DNAH7: variants seen among roughly 807,000 people sequenced by gnomAD.
DNAH7 encodes the protein dynein axonemal heavy chain 7, also known as axonemal beta dynein heavy chain 7.
A neutral mutation model predicts 444.6 loss-of-function variants in DNAH7; 397 were observed. The observed-to-expected ratio is 0.89, with a 90% CI of 0.82 to 0.97. DNAH7 has a LOEUF of 0.97. DNAH7 is among the 50% of genes least tolerant of loss of function. The probability of loss-of-function intolerance (pLI) is 0.00; values close to 1 mark genes in which losing one functional copy is unlikely to be tolerated. For missense variants in DNAH7, 4,902 were observed against 4,800.8 expected, an observed-to-expected ratio of 1.02 and a Z score of -0.62; for synonymous variants, 1,636 against 1,624.4, an observed-to-expected ratio of 1.01 and a Z score of -0.17.
intron 49 of DNAH7, among the ~76,000 whole-genome samples, chr2:195,822,344 T>C (rs1697512196): frequency 3.3e-5 from 5 of 152,224 alleles, no homozygotes; most frequent in Admixed American, 3.3e-4. Flanking sequence ...ATTCCATTAA[T>C]GTTGGGTCCT....
Position 195,876,543 on chromosome 2 carries a change from C to T in DNAH7, c.6117+1G>A. ...CCGGGTACTGTACAAAGAGTCATTA[C>T]CATTCTCTTGCCCAAAGGAGGACCA... On this transcript the variant is annotated splice_donor_variant, in intron 37 of 64. Transcript: ENST00000312428. LOFTEE classifies it high-confidence loss of function. 1.2e-6 allele frequency: 2 copies of T among 1,613,638 alleles called. No individual in the cohort carries two copies. Among genetic ancestry groups the T allele is most frequent in the South Asian group, 2.2e-5 (2 of 90,986 alleles).
Position 195,987,080 on chromosome 2 carries a change from C to T in DNAH7, c.1740G>A (p.Gln580=). The change falls in exon 14 of 65, where the codon CAG becomes CAA. Residue 580 remains glutamine, a synonymous_variant. Transcript: ENST00000312428. ...KLLAKMFRDH[Q]EVNTRLCDEF... is the part of the protein sequence containing the mutation. ...CACATAAATACCTTGTATTTACTTC[C>T]TGATGATCTCTGAACATTTTAGCTA... 1 of 1,596,484 alleles carries T rather than the reference C, an allele frequency of 6.3e-7. No homozygotes were observed. Among genetic ancestry groups the T allele is most frequent in the African/African-American group, 1.4e-5 (1 of 74,038 alleles).
At position 195,833,622 on chromosome 2, in the gene DNAH7, T is replaced by C. The variant is rs1212688873; in HGVS notation, c.9100+584A>G. On this transcript the variant is annotated intron_variant, in intron 48 of 64. Coordinates refer to ENST00000312428, the MANE Select transcript of DNAH7 (RefSeq NM_018897.3). ...TTACTCAAATCACAAGTTTTCTGTTTTTCGTTTTGATAAATGTGATATCTA... is the reference window on the plus strand; with the variant it reads ...TTACTCAAATCACAAGTTTTCTGTTCTTCGTTTTGATAAATGTGATATCTA... Among the ~76,000 whole-genome samples, 21 of 152,214 alleles carry C rather than the reference T, an allele frequency of 1.4e-4. 1 individual carries two copies. Among genetic ancestry groups the C allele is most frequent in the Admixed American group, 1.4e-3 (21 of 15,280 alleles).
chr2:195,809,727 A>C lies in DNAH7; in HGVS notation c.9888+18T>G. Reference sequence around the variant, plus strand: ...CGTTATTAAGGGTTTTTTTCTTACAAATGAAAACAGTACTGACCGCCCGCT... The same window carrying C: ...CGTTATTAAGGGTTTTTTTCTTACACATGAAAACAGTACTGACCGCCCGCT... On this transcript the variant is annotated intron_variant, in intron 52 of 64. Coordinates refer to ENST00000312428, the MANE Select transcript of DNAH7 (RefSeq NM_018897.3). The C allele has an allele frequency of 6.6e-7, 1 of 1,512,934 alleles. No homozygotes were observed. Among genetic ancestry groups the C allele is most frequent in the Non-Finnish European group, 8.8e-7 (1 of 1,132,892 alleles). 93.7% of individuals were successfully genotyped at this position (1,512,934 alleles called of 1,614,324 possible).
At chr2:195,852,944 A>G (rs1699470288) in intron 46 of DNAH7, among the ~76,000 whole-genome samples, 1 of 150,550 alleles carries the variant, frequency 6.6e-6, no homozygotes, top group African/African-American at 2.5e-5. Context: ...AGAGAGAGAG[A>G]GAGACAGAGT....
chr2:195,748,306 C>G (rs1460490464), intron 63 of DNAH7, among the ~76,000 whole-genome samples: 1 of 152,154 alleles, frequency 6.6e-6, no homozygotes, highest in African/African-American at 2.4e-5. Flanking sequence ...TCAAGGAGAA[C>G]TACAAACCAC....
chr2:195,871,631 C>T (rs1367416783), intron 40 of DNAH7, among the ~76,000 whole-genome samples: 1 of 150,482 alleles, frequency 6.6e-6, no homozygotes, highest in Non-Finnish European at 1.5e-5. Context: ...CTTATAAAAA[C>T]ATCTCCTTAA....
chr2:195,905,043 A>G (rs1281019676), intron 27 of DNAH7: 4 of 152,184 alleles, frequency 2.6e-5, no homozygotes, highest in Admixed American at 2.6e-4. Context: ...GTAGAAGGAA[A>G]ATACATTATC....
intron 22 of DNAH7, 96 bp downstream of exon 22, chr2:195,926,330 G>T (rs1447580089): frequency 5.1e-5 from 57 of 1,117,014 alleles, no homozygotes; most frequent in Non-Finnish European, 6.1e-5. Flanking sequence ...ATTTTTAAGT[G>T]AACTGTATTT....
chr2:195,972,272 C>G lies in DNAH7; in HGVS notation c.2028G>C (p.Glu676Asp). ...GACCTTCTTGATATTGTTCTATTTT[C>G]TCTTTAATGATTTTCCTGTGTTCTT... ...IFEEHRKIIK[E>D]KIEQYQEGLK... is the part of the protein sequence containing the mutation. The change falls in exon 16 of 65, where the codon GAG becomes GAC. Residue 676 changes from glutamate (E) to aspartate (D), a missense_variant. Transcript: ENST00000312428. 6.2e-7 allele frequency: 1 copy of G among 1,613,900 alleles called. No individual in the cohort carries two copies. Among genetic ancestry groups the G allele is most frequent in the Non-Finnish European group, 8.5e-7 (1 of 1,179,836 alleles).
At chr2:195,762,175 A>G (rs1475562008) in intron 61 of DNAH7, among the ~76,000 whole-genome samples, 1 of 152,176 alleles carries the variant, frequency 6.6e-6, no homozygotes, top group African/African-American at 2.4e-5. Context: ...AATTGTCATC[A>G]GTTTAAAATA....
At chr2:195,811,734 A>G (rs1020813067) in intron 51 of DNAH7, among the ~76,000 whole-genome samples, 1 of 152,204 alleles carries the variant, frequency 6.6e-6, no homozygotes, top group African/African-American at 2.4e-5. Context: ...GTTTCAGAAG[A>G]ATACTTAATA....
At position 195,936,841 on chromosome 2, in the gene DNAH7, C is replaced by T. The variant is rs574496928; in HGVS notation, c.3079-49G>A. 4 of 1,260,756 alleles carry T rather than the reference C, an allele frequency of 3.2e-6. No homozygotes were observed. In the East Asian group the frequency reaches 8.1e-5, roughly 26 times the overall value. The allele number at this position is 1,260,756 out of a possible 1,614,324, so 78.1% of individuals were successfully genotyped here. A position where few individuals can be genotyped will look rare whatever the true frequency, so the allele number is the denominator to read the frequency against. ...TCAATTCAAAAATATTAGATACTAA[C>T]TCTATTTATATTCATATTATATTTG... On this transcript the variant is annotated intron_variant, in intron 19 of 64. Transcript: ENST00000312428.
At chr2:195,971,658 G>A (rs1300906184) in intron 16 of DNAH7, among the ~76,000 whole-genome samples, 1 of 152,138 alleles carries the variant, frequency 6.6e-6, no homozygotes, top group African/African-American at 2.4e-5. Flanking sequence ...CAGACATCTA[G>A]AAGTTGACAG....
chr2:195,948,624 G>A (rs1251143680), intron 19 of DNAH7, among the ~76,000 whole-genome samples: 1 of 152,150 alleles, frequency 6.6e-6, no homozygotes, highest in Non-Finnish European at 1.5e-5. Flanking sequence ...TGATTTCTGA[G>A]GTCTCTGTTC....
chr2:195,903,242 A>C (rs1454625546), intron 27 of DNAH7: 1 of 131,404 alleles, frequency 7.6e-6, no homozygotes. Flanking sequence ...TGGTACAATA[A>C]AAAAAAAATT....
chr2:195,913,181 T>C (rs1329624185), intron 24 of DNAH7, among the ~76,000 whole-genome samples: 1 of 152,108 alleles, frequency 6.6e-6, no homozygotes, highest in Non-Finnish European at 1.5e-5. Context: ...AAATGACTAA[T>C]TTTCTGGAAA....
At chr2:196,067,451 T>G (rs185065426) in intron 1 of DNAH7, among the ~76,000 whole-genome samples, 3 of 83,436 alleles carry the variant, frequency 3.6e-5, no homozygotes, top group Non-Finnish European at 9.0e-5. Context: ...TTTGGTTACT[T>G]GTATCTGAAC....
intron 23 of DNAH7, among the ~76,000 whole-genome samples, chr2:195,922,509 A>G (rs972696616): frequency 8.5e-5 from 13 of 152,230 alleles, no homozygotes; most frequent in African/African-American, 3.1e-4. Flanking sequence ...CTTAAAGAGA[A>G]TAAGTAACTT....
Sources: gnomAD v4.1 joint callset for allele counts (sites outside exome capture counted in the v4.1 genomes callset) on GRCh38, gnomAD v4.1.1 for gene constraint, MANE v1.5 for transcripts, NCBI Gene and HGNC (gene_info 2026-07-23, HGNC 2026-07-21) for gene names.